AGBL5: variants seen among roughly 807,000 people sequenced by gnomAD.
The protein encoded by AGBL5 is AGBL carboxypeptidase 5, also known as cytosolic carboxypeptidase-like protein 5.
Under a neutral mutation model 88.0 loss-of-function variants are expected in AGBL5, and 51 were observed. The observed-to-expected ratio is 0.58, with a 90% CI of 0.46 to 0.73. The LOEUF is 0.73. Ranked by LOEUF, AGBL5 falls within the 30% of genes least tolerant of loss-of-function variation. The pLI is 0.00. For synonymous variants in AGBL5, 446 were observed against 438.8 expected, an observed-to-expected ratio of 1.02 and a Z score of -0.21; for missense variants, 1,031 against 1,162.2, an observed-to-expected ratio of 0.89 and a Z score of 1.64.
Position 27,070,610 on chromosome 2 carries a change from T to A in AGBL5, c.*347T>A. The A allele has an allele frequency of 4.7e-6, 1 of 213,360 alleles. No homozygotes were observed. The highest frequency in any genetic ancestry group is 1.1e-4 in the South Asian group (1 of 8,952). 13.2% of individuals were successfully genotyped at this position (213,360 alleles called of 1,614,324 possible). A position where few individuals can be genotyped will look rare whatever the true frequency, so the allele number is the denominator to read the frequency against. ...AAGACTCTGAGGAAATAAAAGTTGT[T>A]TGGAAAAATCCAGGTGTAGTTGCTT... is the stretch of plus-strand genomic sequence containing the variant. On this transcript the variant is annotated 3_prime_UTR_variant, in exon 15 of 15. Coordinates refer to ENST00000360131, the MANE Select transcript of AGBL5 (RefSeq NM_021831.6).
chr2:27,056,469 T>C (rs1244638728), intron 7 of AGBL5, 154 bp from the exon 8 acceptor site: 5 of 720,512 alleles, frequency 6.9e-6, no homozygotes, highest in Non-Finnish European at 1.1e-5. Context: ...CTAGAAGTAA[T>C]GTCAAACTGA....
In AGBL5 at chr2:27,053,546, A is replaced by G; in HGVS notation, c.360A>G (p.Glu120=). The part of the protein sequence containing the change: ...VRTLPTRPRW[E]RIRDRPTFEM... ...CACTGCCCACCCGGCCACGCTGGGA[A>G]CGCATTCGAGACCGGCCCACCTTTG... Residue 120 remains glutamate (E), a synonymous_variant, in exon 3 of 15, where the codon GAA becomes GAG. Coordinates refer to ENST00000360131, the MANE Select transcript of AGBL5 (RefSeq NM_021831.6). The surrounding 1 kb of genome is among the most constrained non-coding windows in gnomAD (Gnocchi z 4.9). The G allele has an allele frequency of 6.2e-7, 1 of 1,613,746 alleles. No homozygotes were observed. The highest frequency in any genetic ancestry group is 8.5e-7 in the Non-Finnish European group (1 of 1,179,904).
Position 27,067,603 on chromosome 2 carries a change from C to G in AGBL5, c.2199C>G (p.His733Gln). ...APTSSGPASS[H>Q]KLGSCLLPDS... The stretch of plus-strand genomic sequence containing the variant: ...CTAGTTCTGGCCCAGCCTCCTCACA[C>G]AAGCTGGGCTCCTGTCTACTGCCTG... Residue 733 changes from histidine (H) to glutamine (Q), a missense_variant, in exon 12 of 15, where the codon CAC (histidine) becomes CAG (glutamine). Transcript: ENST00000360131. 6.2e-7 allele frequency: 1 copy of G among 1,613,984 alleles called. No individual in the cohort carries two copies. Among genetic ancestry groups the G allele is most frequent in the Non-Finnish European group, 8.5e-7 (1 of 1,179,942 alleles).
At chr2:27,064,576 A>T (rs1302747715) in intron 11 of AGBL5, among the ~76,000 whole-genome samples, 3 of 152,006 alleles carry the variant, frequency 2.0e-5, no homozygotes, top group African/African-American at 7.2e-5. Flanking sequence ...CACATGAGCC[A>T]CCGTGCCTGG....
At chr2:27,054,548 A>T in intron 4 of AGBL5, 82 bp from the exon 5 acceptor site, 1 of 1,378,576 alleles carries the variant, frequency 7.3e-7, no homozygotes, top group Non-Finnish European at 1.0e-6. Context: ...ACCAGATTTT[A>T]CAGATCCTGG....
intron 8 of AGBL5, 119 bp downstream of exon 8, chr2:27,056,911 G>A (rs1056808081): frequency 1.9e-5 from 23 of 1,190,926 alleles, no homozygotes; most frequent in African/African-American, 1.6e-4. Flanking sequence ...CAGGAGAATC[G>A]CTTGAACCTG....
At position 27,053,081 on chromosome 2, in the gene AGBL5, C is replaced by T. The variant is rs1409478725; in HGVS notation, c.123C>T (p.Ala41=). The T allele has an allele frequency of 6.2e-7, 1 of 1,613,546 alleles. No individual in the cohort carries two copies. Among genetic ancestry groups the T allele is most frequent in the Admixed American group, 1.7e-5 (1 of 59,942 alleles). The part of the protein sequence containing the change: ...DGEGVGGGAS[A]LTSGIASSPD... ...AAGGGGTAGGAGGTGGGGCGTCAGC[C>T]CTGACCAGTGGCATTGCCTCTTCCC... is the stretch of plus-strand genomic sequence containing the variant. The change falls in exon 2 of 15, where the codon GCC becomes GCT. Residue 41 remains alanine, a synonymous_variant. Transcript: ENST00000360131. This position sits in a 1 kb window ranked among gnomAD's most constrained non-coding sequence, Gnocchi z 4.9.
At chr2:27,067,826 A>G in intron 12 of AGBL5, 180 bp downstream of exon 12, 3 of 724,966 alleles carry the variant, frequency 4.1e-6, no homozygotes, top group Non-Finnish European at 7.5e-6. Flanking sequence ...TAATAAAACA[A>G]TAGTTAACAT....
At chr2:27,060,441 C>T (rs1668659005) in intron 11 of AGBL5, among the ~76,000 whole-genome samples, 1 of 152,178 alleles carries the variant, frequency 6.6e-6, no homozygotes, top group African/African-American at 2.4e-5. Context: ...TGTTATAGTG[C>T]CACTTCTGGA....
chr2:27,069,330 G>A (rs1428574680), intron 13 of AGBL5: 1 of 985,268 alleles, frequency 1.0e-6, no homozygotes, highest in East Asian at 1.1e-4. Flanking sequence ...TGTAGCCATG[G>A]CGGTTAAATG....
intron 11 of AGBL5, chr2:27,061,673 C>CT (rs1668724963): frequency 6.6e-6 from 1 of 152,190 alleles, no homozygotes; most frequent in South Asian, 2.1e-4. Context: ...CAACCTCATT[C>CT]TTTTTTGGTC....
chr2:27,064,347 G>T (rs1313239130), intron 11 of AGBL5, among the ~76,000 whole-genome samples: 1 of 151,170 alleles, frequency 6.6e-6, no homozygotes, highest in Non-Finnish European at 1.5e-5. Context: ...CCAGGCTGGA[G>T]TGCAGTGGCG....
rs201894006 is a variant in AGBL5, at chr2:27,058,521, G to A, written c.1793G>A (p.Arg598His). 366 of 1,614,064 alleles carry A rather than the reference G, an allele frequency of 2.3e-4. No individual in the cohort carries two copies. The highest frequency in any genetic ancestry group is 2.4e-4 in the Non-Finnish European group (280 of 1,180,046). Residue 598 changes from arginine (R) to histidine (H), a missense_variant, in exon 10 of 15, where the codon CGC becomes CAC. Physicochemically the swap from Arg to His is conservative, Grantham distance 29 (BLOSUM62 0). Coordinates refer to ENST00000360131, the MANE Select transcript of AGBL5 (RefSeq NM_021831.6). Reference protein sequence around the residue: ...NLRAWMLKHVRNSRGLSSTLN... With the variant: ...NLRAWMLKHVHNSRGLSSTLN... ...CGGGCCTGGATGCTGAAACATGTAC[G>A]CAACAGCCGAGGCCTAAGCAGCACT...
upstream of AGBL5, among the ~76,000 whole-genome samples, chr2:27,050,833 C>T (rs760908301): frequency 1.7e-4 from 26 of 152,212 alleles, no homozygotes; most frequent in East Asian, 9.6e-4. Context: ...TAGGGCGTGG[C>T]AATCCTTAGG....
intron 11 of AGBL5, among the ~76,000 whole-genome samples, chr2:27,064,943 C>T (rs1034163631): frequency 2.0e-5 from 3 of 151,426 alleles, no homozygotes; most frequent in East Asian, 2.0e-4. Context: ...TTAGTAGAAA[C>T]GGGGTTTCTC....
At chr2:27,068,306 A>T (rs1669097260) in intron 12 of AGBL5, among the ~76,000 whole-genome samples, 1 of 152,076 alleles carries the variant, frequency 6.6e-6, no homozygotes, top group African/African-American at 2.4e-5. Context: ...GTGCGTTCCG[A>T]TTCTAGCCTG....
Position 27,068,799 on chromosome 2 carries a change from G to A in AGBL5, c.2355+55G>A. The A allele has an allele frequency of 3.1e-6, 5 of 1,600,292 alleles. 1 individual carries two copies. The highest frequency in any genetic ancestry group is 1.7e-5 in the Admixed American group (1 of 57,170). On this transcript the variant is annotated intron_variant, in intron 13 of 14. Coordinates refer to ENST00000360131, the MANE Select transcript of AGBL5 (RefSeq NM_021831.6). ...CTCTGGCAGAACCCAGCAAGGCACT[G>A]TTCCTCTGGGTAGTGGGAGGGAAAA...
Position 27,059,243 on chromosome 2 carries a change from G to C in AGBL5, c.1928G>C (p.Ser643Thr), listed in dbSNP as rs777122413. ...ENTLSRARSFSTGTSAGGSSS... is the reference protein window; with the variant it reads ...ENTLSRARSFTTGTSAGGSSS... ...ACCTTGAGTCGGGCACGAAGTTTTA[G>C]CACCGGCACAAGTGCCGGTGGTAGC... The change falls in exon 11 of 15, where the codon AGC becomes ACC. Residue 643 changes from serine to threonine, a missense_variant. Ser to Thr is a moderately conservative substitution (Grantham distance 58, BLOSUM62 1). This residue lies in a region of AGBL5 where 491 missense variants were observed against 484.0 expected (regional missense o/e 1.01). Transcript: ENST00000360131. 1 of 1,614,148 alleles carries C rather than the reference G, an allele frequency of 6.2e-7. No individual in the cohort carries two copies. Among genetic ancestry groups the C allele is most frequent in the South Asian group, 1.1e-5 (1 of 91,084 alleles).
chr2:27,068,611 T>G, intron 12 of AGBL5, 21 bp from the exon 13 acceptor site: 1 of 1,611,174 alleles, frequency 6.2e-7, no homozygotes, highest in East Asian at 2.2e-5. Context: ...CCTACCCTGA[T>G]CAGTTTCCTC....
Sources: allele counts gnomAD v4.1 joint callset (sites outside exome capture counted in the v4.1 genomes callset), GRCh38; gene constraint gnomAD v4.1.1; regional missense constraint gnomAD v4.1.1; non-coding constraint Gnocchi (gnomAD v3.1); transcripts MANE v1.5; gene names NCBI Gene and HGNC (gene_info 2026-07-23, HGNC 2026-07-21).